Variants in AKAP6 observed in about 807,000 individuals in gnomAD.
AKAP6 encodes the protein A-kinase anchoring protein 6.
Under a neutral mutation model 188.5 loss-of-function variants are expected in AKAP6, and 58 were observed. The observed-to-expected ratio is 0.31, with a 90% CI of 0.25 to 0.38. The LOEUF (loss-of-function observed/expected upper bound fraction) is 0.38. AKAP6 is among the 10% of genes least tolerant of loss of function. The probability of loss-of-function intolerance (pLI) is 1.00; values close to 1 mark genes in which losing one functional copy is unlikely to be tolerated. For missense variants in AKAP6, 2,710 were observed against 2,740.0 expected, an observed-to-expected ratio of 0.99 and a Z score of 0.24; for synonymous variants, 989 against 998.6, an observed-to-expected ratio of 0.99 and a Z score of 0.18.
At chr14:32,803,546 T>C (rs934770409) in intron 12 of AKAP6, among the ~76,000 whole-genome samples, 2 of 152,198 alleles carry the variant, frequency 1.3e-5, no homozygotes, top group Non-Finnish European at 1.5e-5. Context: ...AAATACCTCC[T>C]CTTCCCAAAT....
At chr14:32,489,761 A>G (rs746869858) in intron 2 of AKAP6, among the ~76,000 whole-genome samples, 1 of 152,176 alleles carries the variant, frequency 6.6e-6, no homozygotes. Flanking sequence ...CCATGTAGGC[A>G]TCTCTAAATA....
chr14:32,810,164 C>T (rs548017188), intron 12 of AKAP6, among the ~76,000 whole-genome samples: 79 of 152,178 alleles, frequency 5.2e-4, no homozygotes, highest in Non-Finnish European at 7.2e-4. Context: ...CTCAAGGCCC[C>T]ATATCTTAGA....
intron 4 of AKAP6, among the ~76,000 whole-genome samples, chr14:32,556,578 A>G (rs527581644): frequency 6.6e-6 from 1 of 152,272 alleles, no homozygotes; most frequent in South Asian, 2.1e-4. Flanking sequence ...CCTGGGCTCA[A>G]GCAATCCACC....
chr14:32,457,176 C>T (rs12882489), intron 2 of AKAP6, among the ~76,000 whole-genome samples: 33,396 of 152,084 alleles, frequency 0.22, 4,680 homozygotes, highest in Middle Eastern at 0.35. Flanking sequence ...GCACAATAGA[C>T]GTTTCTTGGT....
chr14:32,338,747 T>C (rs1366667978), intron 1 of AKAP6, among the ~76,000 whole-genome samples: 2 of 152,148 alleles, frequency 1.3e-5, no homozygotes, highest in Non-Finnish European at 2.9e-5. Context: ...GCCTCATTTT[T>C]CCCCATATGT....
At chr14:32,466,485 C>G (rs1451026302) in intron 2 of AKAP6, among the ~76,000 whole-genome samples, 4 of 152,010 alleles carry the variant, frequency 2.6e-5, no homozygotes, top group African/African-American at 9.7e-5. Context: ...AACAGAAAAC[C>G]AAACACTGCA....
chr14:32,548,873 G>A (rs1594734268), intron 4 of AKAP6, among the ~76,000 whole-genome samples: 1 of 152,140 alleles, frequency 6.6e-6, no homozygotes, highest in Non-Finnish European at 1.5e-5. Flanking sequence ...TGATGTAACT[G>A]CCATGGGCAC....
intron 4 of AKAP6, among the ~76,000 whole-genome samples, chr14:32,552,850 G>C (rs1037724768): frequency 1.3e-5 from 2 of 152,268 alleles, no homozygotes; most frequent in South Asian, 4.2e-4. Context: ...GAACTCATAG[G>C]GAGAATTATG....
At chr14:32,678,534 G>A in intron 8 of AKAP6, 75 bp downstream of exon 8, 1 of 1,556,432 alleles carries the variant, frequency 6.4e-7, no homozygotes. Flanking sequence ...GTAGGTGTTA[G>A]GAAGGTATTT....
At chr14:32,575,886 C>G (rs966614262) in intron 4 of AKAP6, among the ~76,000 whole-genome samples, 4 of 152,076 alleles carry the variant, frequency 2.6e-5, no homozygotes, top group Non-Finnish European at 4.4e-5. Flanking sequence ...GGACTCTGTG[C>G]CCACATCTCT....
At chr14:32,773,653 A>G (rs761584140) in intron 11 of AKAP6, 25 bp from the exon 12 acceptor site, 92 of 1,606,296 alleles carry the variant, frequency 5.7e-5, no homozygotes, top group Non-Finnish European at 7.1e-5. Flanking sequence ...AAACACTCAT[A>G]GATTGGTTTC....
At chr14:32,621,383 A>G (rs912784052) in intron 7 of AKAP6, among the ~76,000 whole-genome samples, 49 of 151,982 alleles carry the variant, frequency 3.2e-4, no homozygotes, top group Non-Finnish European at 1.2e-4. Context: ...TGTTACTGTT[A>G]TCATTCATTT....
At chr14:32,460,433 G>T (rs1024551469) in intron 2 of AKAP6, among the ~76,000 whole-genome samples, 6 of 152,212 alleles carry the variant, frequency 3.9e-5, no homozygotes, top group African/African-American at 1.4e-4. Flanking sequence ...CCCACAGAGG[G>T]TGAGCAGAAG....
intron 9 of AKAP6, among the ~76,000 whole-genome samples, chr14:32,704,337 C>T (rs888415158): frequency 6.6e-6 from 1 of 152,068 alleles, no homozygotes; most frequent in African/African-American, 2.4e-5. Context: ...GTAGTATTCC[C>T]TCTTTTGTTA....
chr14:32,682,091 C>T (rs772453686), intron 8 of AKAP6, among the ~76,000 whole-genome samples: 1 of 151,672 alleles, frequency 6.6e-6, no homozygotes, highest in Admixed American at 6.6e-5. Context: ...GGGGAGGGCT[C>T]ATTGAAGGCA....
chr14:32,609,880 GACACACACACACACACACACAC>G (rs71115085), intron 7 of AKAP6, among the ~76,000 whole-genome samples: 2 of 137,330 alleles, frequency 1.5e-5, no homozygotes, highest in Non-Finnish European at 3.2e-5. Flanking sequence ...CTCTCTCTCT[GACACACACACACACACACACAC>G]ACACACACAC....
chr14:32,801,018 A>AAAAT (rs1408802649), intron 12 of AKAP6, among the ~76,000 whole-genome samples: 4 of 152,170 alleles, frequency 2.6e-5, no homozygotes, highest in Admixed American at 1.3e-4. Context: ...CTCTGTCTCA[A>AAAAT]AAATAAATAA....
intron 5 of AKAP6, among the ~76,000 whole-genome samples, chr14:32,586,120 A>C (rs1885234107): frequency 6.6e-6 from 1 of 152,208 alleles, no homozygotes; most frequent in Non-Finnish European, 1.5e-5. Context: ...TGCATGAAAG[A>C]AAATGGATTT....
chr14:32,735,606 G>GTT (rs139360332), intron 10 of AKAP6, 52 bp from the exon 11 acceptor site: 173,977 of 1,314,424 alleles, frequency 0.13, 7,937 homozygotes, highest in Middle Eastern at 0.16. Flanking sequence ...TGTTCGTGGG[G>GTT]TTTTTTTTTG....
Sources: gnomAD v4.1 joint callset for allele counts (sites outside exome capture counted in the v4.1 genomes callset) on GRCh38, gnomAD v4.1.1 for gene constraint, MANE v1.5 for transcripts, NCBI Gene and HGNC (gene_info 2026-07-23, HGNC 2026-07-21) for gene names.